GTF2IRD2: variants seen among roughly 807,000 people sequenced by gnomAD.
GTF2IRD2 encodes the protein general transcription factor II-I repeat domain-containing protein 2A.
GTF2IRD2 carries 8 observed loss-of-function variants against 49.2 expected under a neutral mutation model. The observed-to-expected ratio is 0.16, with a 90% CI of 0.10 to 0.29. GTF2IRD2 has a LOEUF of 0.29. Among genes scored for constraint, GTF2IRD2 ranks in the 10% least tolerant of loss-of-function variants. The probability of loss-of-function intolerance (pLI) is 1.00; values close to 1 mark genes in which losing one functional copy is unlikely to be tolerated. For missense variants in GTF2IRD2, 130 were observed against 725.7 expected (o/e 0.18, Z 9.43); for synonymous variants, 47 against 289.7 (o/e 0.16, Z 8.51).
chr7:74,822,574 T>C, intron 5 of GTF2IRD2, 50 bp downstream of exon 5: 1 of 570,830 alleles, frequency 1.8e-6, no homozygotes, highest in Non-Finnish European at 3.1e-6. Context: ...ATTAGGCTAT[T>C]GGTTTCATCT....
intron 1 of GTF2IRD2, among the ~76,000 whole-genome samples, chr7:74,842,223 T>C (rs587641446): frequency 7.3e-6 from 1 of 136,756 alleles, no homozygotes; most frequent in South Asian, 2.5e-4. Context: ...TTTATTTTTT[T>C]TAATTTTCTT....
intron 3 of GTF2IRD2, among the ~76,000 whole-genome samples, chr7:74,831,147 G>A (rs1284887807): frequency 6.6e-6 from 1 of 150,674 alleles, no homozygotes; most frequent in Non-Finnish European, 1.5e-5. Flanking sequence ...ACCTTAATTT[G>A]GGATCTCGGA....
intron 4 of GTF2IRD2, 74 bp from the exon 5 acceptor site, chr7:74,822,881 T>C: frequency 2.6e-6 from 4 of 1,526,854 alleles, no homozygotes; most frequent in East Asian, 2.3e-5. Flanking sequence ...TTGTTTTTTG[T>C]TTTTTGTTTT....
intron 12 of GTF2IRD2, among the ~76,000 whole-genome samples, chr7:74,806,320 AT>A (rs1172120539): frequency 7.6e-6 from 1 of 132,388 alleles, no homozygotes; most frequent in African/African-American, 2.7e-5. Context: ...ATTATTATTT[AT>A]TTTTTTGAGA....
At position 74,833,271 on chromosome 7, in the gene GTF2IRD2, C is replaced by T. The variant is rs1371091961; in HGVS notation, c.100-328G>A. ...TGTGTGTGTGTATTTTTAGTAGAGA[C>T]GGGGTTTCACCGTGTTAGCCAGGAT... is the stretch of plus-strand genomic sequence containing the variant. On this transcript the variant is annotated intron_variant, in intron 2 of 15. Transcript: ENST00000451013. Among the ~76,000 whole-genome samples the T allele has an allele frequency of 1.6e-3, 187 of 117,204 alleles. 1 individual carries two copies. The highest frequency in any genetic ancestry group is 3.1e-3 in the African/African-American group (93 of 30,282). 76.9% of individuals were successfully genotyped at this position (117,204 alleles called of 152,430 possible).
In GTF2IRD2 at chr7:74,822,638, T is replaced by A; in HGVS notation, c.528A>T (p.Ser176=). 1.7e-6 allele frequency: 1 copy of A among 581,942 alleles called. No individual in the cohort carries two copies. Among genetic ancestry groups the A allele is most frequent in the Non-Finnish European group, 3.0e-6 (1 of 338,972 alleles). The allele number at this position is 581,942 out of a possible 1,614,324, so 36.0% of individuals were successfully genotyped here. The change falls in exon 5 of 16, where the codon TCA becomes TCT. Residue 176 remains serine, a synonymous_variant. Coordinates refer to ENST00000451013, the MANE Select transcript of GTF2IRD2 (RefSeq NM_173537.5). ...GAGTGTGTCACCTATTTATGATGAATGAAATCCCTGCTTTGTTCTCCAAAA... is the reference window on the plus strand; with the variant it reads ...GAGTGTGTCACCTATTTATGATGAAAGAAATCCCTGCTTTGTTCTCCAAAA... ...KWILENKAGI[S]FIINRPFLGP... is the part of the protein sequence containing the mutation.
chr7:74,831,363 T>A (rs1799833578), intron 3 of GTF2IRD2, among the ~76,000 whole-genome samples: 3 of 151,350 alleles, frequency 2.0e-5, no homozygotes, highest in Middle Eastern at 6.8e-3. Flanking sequence ...CTAATCTGTC[T>A]ATATACATAT....
intron 3 of GTF2IRD2, among the ~76,000 whole-genome samples, chr7:74,825,682 G>A (rs1252283523): frequency 6.7e-6 from 1 of 150,224 alleles, no homozygotes; most frequent in Non-Finnish European, 1.5e-5. Context: ...TTTTAAAACT[G>A]ATTGTTTTCA....
At chr7:74,841,962 A>T (rs1800869142) in intron 1 of GTF2IRD2, among the ~76,000 whole-genome samples, 1 of 135,596 alleles carries the variant, frequency 7.4e-6, no homozygotes. Context: ...TGTCTCTACT[A>T]AAAATACAAA....
At chr7:74,828,460 C>T (rs1201060923) in intron 3 of GTF2IRD2, among the ~76,000 whole-genome samples, 3 of 133,866 alleles carry the variant, frequency 2.2e-5, no homozygotes, top group Non-Finnish European at 4.8e-5. Context: ...CACTTGAGGT[C>T]AGGAGTTTGA....
intron 8 of GTF2IRD2, among the ~76,000 whole-genome samples, chr7:74,815,802 GAAAGA>G (rs1256253941): frequency 2.1e-4 from 2 of 9,602 alleles, no homozygotes; most frequent in African/African-American, 9.6e-4. Context: ...AAGAAGGAAA[GAAAGA>G]AAGAAAGAAA....
chr7:74,799,131 C>T (rs1243593257), intron 15 of GTF2IRD2: 1 of 127,952 alleles, frequency 7.8e-6, no homozygotes, highest in Non-Finnish European at 1.6e-5. Flanking sequence ...CAGGAGCCAC[C>T]GTGCCAGGCC....
rs1337891696 is a variant in GTF2IRD2 at position 74,796,666 on chromosome 7, G to C, written c.2846C>G (p.Thr949Arg). Residue 949 changes from threonine to arginine, a missense_variant, in exon 16 of 16, where the codon ACG (threonine) becomes AGG (arginine). Physicochemically the swap from Thr to Arg is moderately conservative, Grantham distance 71 (BLOSUM62 -1). Transcript: ENST00000451013. ...CTGCCAGGAGTTTTCTCTCCATCACGTTGCGATGTGGAGTACAGAATCCCA... is the reference window on the plus strand; with the variant it reads ...CTGCCAGGAGTTTTCTCTCCATCACCTTGCGATGTGGAGTACAGAATCCCA... ...SQWDSVLHIA[T>R] is the part of the protein sequence containing the mutation. 5.4e-6 allele frequency: 4 copies of C among 735,550 alleles called. No individual in the cohort carries two copies. Among genetic ancestry groups the C allele is most frequent in the Non-Finnish European group, 7.4e-6 (3 of 403,272 alleles). The allele number at this position is 735,550 out of a possible 1,614,324, so 45.6% of individuals were successfully genotyped here. A position where few individuals can be genotyped will look rare whatever the true frequency, so the allele number is the denominator to read the frequency against.
At chr7:74,807,269 C>A (rs1260853425) in intron 11 of GTF2IRD2, among the ~76,000 whole-genome samples, 2 of 106,024 alleles carry the variant, frequency 1.9e-5, no homozygotes, top group Non-Finnish European at 4.1e-5. Context: ...AGACATGCAC[C>A]ATCATGCTTG....
chr7:74,835,921 G>T (rs1255940507), intron 2 of GTF2IRD2, among the ~76,000 whole-genome samples: 3 of 122,878 alleles, frequency 2.4e-5, no homozygotes, highest in Admixed American at 2.3e-4. Flanking sequence ...GGAGGCGGAG[G>T]TTGCAGTGAG....
Position 74,841,172 on chromosome 7 carries a change from T to G in GTF2IRD2, c.-5-4789A>C, listed in dbSNP as rs1159039666. ...CCTTATTTTATATATATATATGTAT[T>G]GGTTTTTTTTTTTGACATGGAGTCT... On this transcript the variant is annotated intron_variant, in intron 1 of 15. Coordinates refer to ENST00000451013, the MANE Select transcript of GTF2IRD2 (RefSeq NM_173537.5). Among the ~76,000 whole-genome samples, 3 of 140,600 alleles carry G rather than the reference T, an allele frequency of 2.1e-5. 1 individual carries two copies. The highest frequency in any genetic ancestry group is 8.7e-5 in the African/African-American group (3 of 34,514). 92.2% of individuals were successfully genotyped at this position (140,600 alleles called of 152,430 possible). A position where few individuals can be genotyped will look rare whatever the true frequency, so the allele number is the denominator to read the frequency against.
At chr7:74,799,148 T>A (rs1228394583) in intron 15 of GTF2IRD2, 2 of 124,370 alleles carry the variant, frequency 1.6e-5, no homozygotes, top group African/African-American at 3.1e-5. Flanking sequence ...GGCCTCATCC[T>A]TATTTTCAAA....
At position 74,797,735 on chromosome 7, in the gene GTF2IRD2, T is replaced by C; in HGVS notation, c.1777A>G (p.Asn593Asp). 6.2e-7 allele frequency: 1 copy of C among 1,602,768 alleles called. No homozygotes were observed. Among genetic ancestry groups the C allele is most frequent in the Non-Finnish European group, 8.5e-7 (1 of 1,175,914 alleles). ...TVPMTGTKSG[N>D]EIFSRVEKSL... ...TTCTCAACACGCGAAAAGATCTCGT[T>C]GCCAGATTTTGTACCCGTCATGGGC... is the stretch of plus-strand genomic sequence containing the variant. Residue 593 changes from asparagine to aspartate, a missense_variant, in exon 16 of 16, where the codon AAC (asparagine) becomes GAC (aspartate). Asn to Asp is a conservative substitution (Grantham distance 23). Transcript: ENST00000451013.
chr7:74,818,459 T>TG (rs1387996685), intron 8 of GTF2IRD2, among the ~76,000 whole-genome samples: 2 of 89,292 alleles, frequency 2.2e-5, no homozygotes, highest in Non-Finnish European at 4.4e-5. Context: ...TCTCTCTCTC[T>TG]TTTTTTTTTT....
Sources: allele counts gnomAD v4.1 joint callset (sites outside exome capture counted in the v4.1 genomes callset), GRCh38; gene constraint gnomAD v4.1.1; transcripts MANE v1.5; gene names NCBI Gene and HGNC (gene_info 2026-07-23, HGNC 2026-07-21).